The following SNTG1 variants were observed in gnomAD, a reference collection of about 807,000 sequenced individuals.
SNTG1 encodes the protein syntrophin gamma 1.
A neutral mutation model predicts 74.7 loss-of-function variants in SNTG1; 39 were observed. The ratio of observed to expected loss-of-function variants is 0.52; its 90% CI spans 0.40 to 0.68. SNTG1 has a LOEUF of 0.68. Ranked by LOEUF, SNTG1 falls within the 30% of genes least tolerant of loss-of-function variation. SNTG1 has a pLI of 0.00. For synonymous variants in SNTG1, 254 were observed against 217.1 expected, an observed-to-expected ratio of 1.17 and a Z score of -1.49; for missense variants, 685 against 609.5, an observed-to-expected ratio of 1.12 and a Z score of -1.30.
At chr8:50,549,767 T>C (rs889174140) in intron 11 of SNTG1, among the ~76,000 whole-genome samples, 7 of 152,186 alleles carry the variant, frequency 4.6e-5, no homozygotes, top group Non-Finnish European at 1.0e-4. Flanking sequence ...GCTTTTGGAT[T>C]AATTATCTCC....
intron 4 of SNTG1, among the ~76,000 whole-genome samples, chr8:50,416,294 G>A (rs1015360401): frequency 6.6e-6 from 1 of 152,076 alleles, no homozygotes; most frequent in Non-Finnish European, 1.5e-5. Flanking sequence ...TCACACATGT[G>A]CACATGCATG....
At chr8:50,650,174 T>A (rs1415590069) in intron 13 of SNTG1, among the ~76,000 whole-genome samples, 1 of 152,028 alleles carries the variant, frequency 6.6e-6, no homozygotes, top group African/African-American at 2.4e-5. Context: ...TTAAAGACAA[T>A]TTCTATTTAT....
At chr8:50,585,987 A>G (rs1173867860) in intron 12 of SNTG1, among the ~76,000 whole-genome samples, 2 of 152,190 alleles carry the variant, frequency 1.3e-5, no homozygotes, top group African/African-American at 4.8e-5. Flanking sequence ...ATATTCCACC[A>G]GTGCCACTTA....
At chr8:50,599,401 G>C (rs2094756181) in intron 13 of SNTG1, among the ~76,000 whole-genome samples, 1 of 152,064 alleles carries the variant, frequency 6.6e-6, no homozygotes, top group Non-Finnish European at 1.5e-5. Flanking sequence ...TGTAAAGAAT[G>C]TCATTGGCAT....
At chr8:50,532,344 A>G (rs1302290729) in intron 10 of SNTG1, among the ~76,000 whole-genome samples, 1 of 152,200 alleles carries the variant, frequency 6.6e-6, no homozygotes, top group Non-Finnish European at 1.5e-5. Flanking sequence ...CCCTCTAGCT[A>G]TTTTACTTTG....
intron 2 of SNTG1, among the ~76,000 whole-genome samples, chr8:50,317,050 C>G (rs909912767): frequency 1.3e-5 from 2 of 151,980 alleles, no homozygotes; most frequent in Non-Finnish European, 2.9e-5. Flanking sequence ...TCACTGAAGC[C>G]CAAGATAAAT....
At chr8:50,346,038 T>C (rs1257098343) in intron 2 of SNTG1, among the ~76,000 whole-genome samples, 1 of 152,224 alleles carries the variant, frequency 6.6e-6, no homozygotes, top group African/African-American at 2.4e-5. Context: ...TATTAACATA[T>C]TATCTGGCAG....
intron 2 of SNTG1, among the ~76,000 whole-genome samples, chr8:50,275,749 C>T (rs2088061835): frequency 6.6e-6 from 1 of 152,148 alleles, no homozygotes; most frequent in Non-Finnish European, 1.5e-5. Flanking sequence ...TGGAAATTTT[C>T]CTGCAAGATA....
chr8:50,743,258 A>C (rs1198634602), intron 17 of SNTG1, among the ~76,000 whole-genome samples: 1 of 151,952 alleles, frequency 6.6e-6, no homozygotes, highest in Non-Finnish European at 1.5e-5. Context: ...CTCTCAAAAA[A>C]TACTAGCAAA....
chr8:49,984,524 A>G (rs1045271612), intron 1 of SNTG1, among the ~76,000 whole-genome samples: 2 of 152,112 alleles, frequency 1.3e-5, no homozygotes, highest in African/African-American at 4.8e-5. Flanking sequence ...TCAAATATAA[A>G]TTATTTCCAG....
chr8:50,638,793 C>G (rs1326834905), intron 13 of SNTG1, among the ~76,000 whole-genome samples: 2 of 152,028 alleles, frequency 1.3e-5, no homozygotes, highest in Non-Finnish European at 2.9e-5. Context: ...CTGAGGATTT[C>G]TCCAAAAATC....
intron 2 of SNTG1, among the ~76,000 whole-genome samples, chr8:50,211,402 A>G (rs1337925963): frequency 6.6e-6 from 1 of 152,132 alleles, no homozygotes. Flanking sequence ...AATTATATTC[A>G]TTTAATAATA....
chr8:50,400,577 C>G (rs150108888), intron 3 of SNTG1, among the ~76,000 whole-genome samples: 1 of 152,140 alleles, frequency 6.6e-6, no homozygotes, highest in African/African-American at 2.4e-5. Flanking sequence ...AATCTTCATA[C>G]TGTTTTCTTT....
At chr8:50,584,512 C>CTTTTT (rs34546157) in intron 12 of SNTG1, among the ~76,000 whole-genome samples, 2 of 126,806 alleles carry the variant, frequency 1.6e-5, no homozygotes, top group African/African-American at 3.0e-5. Context: ...TTCTCTGATT[C>CTTTTT]TTTTTTTTTT....
chr8:50,105,342 G>T (rs965742245), intron 1 of SNTG1, among the ~76,000 whole-genome samples: 1 of 152,020 alleles, frequency 6.6e-6, no homozygotes, highest in Non-Finnish European at 1.5e-5. Flanking sequence ...GGTTGTAGGT[G>T]TGTAGTTTTA....
At chr8:50,394,670 G>C (rs1272807301) in intron 3 of SNTG1, among the ~76,000 whole-genome samples, 1 of 151,996 alleles carries the variant, frequency 6.6e-6, no homozygotes, top group African/African-American at 2.4e-5. Context: ...TATTATTTAA[G>C]TATTAATACA....
At chr8:50,384,410 C>T (rs567914538) in intron 2 of SNTG1, among the ~76,000 whole-genome samples, 12 of 152,274 alleles carry the variant, frequency 7.9e-5, no homozygotes, top group South Asian at 2.1e-4. Flanking sequence ...TTAGCAAGAA[C>T]GCTGTGTATA....
At chr8:50,177,794 C>T (rs985368015) in intron 2 of SNTG1, among the ~76,000 whole-genome samples, 11 of 152,172 alleles carry the variant, frequency 7.2e-5, no homozygotes, top group African/African-American at 2.7e-4. Context: ...CTGACAAATG[C>T]ATATCATGGA....
chr8:50,722,714 T>TA (rs2095490724), intron 17 of SNTG1, among the ~76,000 whole-genome samples: 1 of 152,224 alleles, frequency 6.6e-6, no homozygotes. Flanking sequence ...ATGATTCTGT[T>TA]ATAGTGAACT....
Sources: gnomAD v4.1 joint callset for allele counts (sites outside exome capture counted in the v4.1 genomes callset) on GRCh38, gnomAD v4.1.1 for gene constraint, MANE v1.5 for transcripts, NCBI Gene and HGNC (gene_info 2026-07-23, HGNC 2026-07-21) for gene names.